Variants in PCDH15 observed in about 807,000 individuals in gnomAD.
PCDH15 encodes the protein protocadherin related 15.
In PCDH15, 129 loss-of-function variants were observed where a neutral mutation model predicts 178.5. The ratio of observed to expected loss-of-function variants is 0.72; its 90% CI spans 0.63 to 0.84. PCDH15 has a LOEUF of 0.84. PCDH15 is among the 40% of genes least tolerant of loss of function. PCDH15 has a pLI of 0.00. For synonymous variants in PCDH15, 800 were observed against 732.0 expected (o/e 1.09, Z -1.50); for missense variants, 2,230 against 2,099.9 (o/e 1.06, Z -1.21).
chr10:54,626,287 T>A (rs1321085095), intron 2 of PCDH15, among the ~76,000 whole-genome samples: 2 of 152,126 alleles, frequency 1.3e-5, no homozygotes, highest in African/African-American at 4.8e-5. Flanking sequence ...TTTGCAGTAG[T>A]AACAAGGAAC....
chr10:54,145,661 TCA>T (rs1218818308), intron 14 of PCDH15, among the ~76,000 whole-genome samples: 1 of 152,020 alleles, frequency 6.6e-6, no homozygotes, highest in Non-Finnish European at 1.5e-5. Flanking sequence ...AGAGGAAAAC[TCA>T]CATGTCAATT....
At chr10:54,225,202 A>C (rs1329892076) in intron 9 of PCDH15, among the ~76,000 whole-genome samples, 1 of 152,148 alleles carries the variant, frequency 6.6e-6, no homozygotes, top group Admixed American at 6.5e-5. Context: ...AGCTCTGAAA[A>C]GGGAGGTCAA....
chr10:54,196,438 A>G (rs564968367), intron 10 of PCDH15, among the ~76,000 whole-genome samples: 35 of 152,322 alleles, frequency 2.3e-4, no homozygotes, highest in African/African-American at 6.7e-4. Context: ...CACCGCGCCC[A>G]GCCAAATTAT....
chr10:54,674,166 G>A (rs902447236), intron 1 of PCDH15, among the ~76,000 whole-genome samples: 3 of 152,078 alleles, frequency 2.0e-5, no homozygotes, highest in African/African-American at 2.4e-5. Context: ...TTTTAGGTAA[G>A]GTCTTCGGCC....
intron 2 of PCDH15, among the ~76,000 whole-genome samples, chr10:55,378,502 CA>C (rs1204752381): frequency 6.6e-6 from 1 of 152,032 alleles, no homozygotes; most frequent in African/African-American, 2.4e-5. Flanking sequence ...ATTCACTTAG[CA>C]AAAAGTACTG....
Position 55,542,706 on chromosome 10 carries a change from T to C in PCDH15, c.-156+84919A>G, listed in dbSNP as rs573311000. On this transcript the variant is annotated intron_variant, in intron 2 of 5. Coordinates refer to the PCDH15 transcript ENST00000613346. ...GTCTATATAGGTACATACAGACATATGTTTGTGTCTATATAGGTACATACA... is the reference window on the plus strand; with the variant it reads ...GTCTATATAGGTACATACAGACATACGTTTGTGTCTATATAGGTACATACA... Among the ~76,000 whole-genome samples, 16 of 37,242 alleles carry C rather than the reference T, an allele frequency of 4.3e-4. 1 individual carries two copies. The highest frequency in any genetic ancestry group is 1.8e-3 in the African/African-American group (16 of 8,754). The allele number at this position is 37,242 out of a possible 152,430, so 24.4% of individuals were successfully genotyped here.
chr10:53,984,719 C>T (rs543681147), intron 21 of PCDH15, among the ~76,000 whole-genome samples: 1 of 152,112 alleles, frequency 6.6e-6, no homozygotes, highest in Non-Finnish European at 1.5e-5. Flanking sequence ...TCATTTCTTT[C>T]TCTTCTTTTA....
In PCDH15 at chr10:54,782,967, T is replaced by C. The variant is rs913239075; in HGVS notation, c.-29+17958A>G. On this transcript the variant is annotated intron_variant, in intron 1 of 37. Transcript: ENST00000644397. The stretch of plus-strand genomic sequence containing the variant: ...TACCAAACCAACACTCTAGGACACA[T>C]CTACAGGAAAAAAAGTCTTTTCCTA... Among the ~76,000 whole-genome samples the C allele has an allele frequency of 2.6e-5, 4 of 151,974 alleles. No homozygotes were observed. In the South Asian group the frequency reaches 6.2e-4, roughly 24 times the overall value.
intron 1 of PCDH15, among the ~76,000 whole-genome samples, chr10:54,780,526 T>C (rs938544714): frequency 6.6e-6 from 1 of 152,072 alleles, no homozygotes; most frequent in South Asian, 2.1e-4. Flanking sequence ...CTAAAATCTA[T>C]GTAATTTTCT....
chr10:55,057,298 C>T (rs1291656976), intron 2 of PCDH15, among the ~76,000 whole-genome samples: 1 of 151,998 alleles, frequency 6.6e-6, no homozygotes, highest in Non-Finnish European at 1.5e-5. Flanking sequence ...GTATTCCATG[C>T]AATTGTTAAG....
intron 2 of PCDH15, among the ~76,000 whole-genome samples, chr10:54,607,523 C>T (rs2092794798): frequency 6.6e-6 from 1 of 151,992 alleles, no homozygotes. Context: ...CTCTCAATTC[C>T]TGGCATATGT....
Position 54,733,890 on chromosome 10 carries a change from T to TA in PCDH15, c.-29+67034dup, listed in dbSNP as rs576151348. Among the ~76,000 whole-genome samples, 29 of 150,728 alleles carry TA rather than the reference T, an allele frequency of 1.9e-4. 1 individual carries two copies. The East Asian group carries it at 3.3e-3, about 17-fold the overall frequency. On this transcript the variant is annotated intron_variant, in intron 1 of 37. Transcript: ENST00000644397. ...GCCAGAAAAATTAGACCTCCAAACG[T>TA]AAAAACAAAAATGGACCTTCACCTG...
At chr10:55,325,592 A>C (rs1844010397) in intron 2 of PCDH15, among the ~76,000 whole-genome samples, 1 of 152,142 alleles carries the variant, frequency 6.6e-6, no homozygotes, top group Non-Finnish European at 1.5e-5. Flanking sequence ...AGACTTAAAT[A>C]TAAACCTAAA....
chr10:55,044,887 A>G (rs978107427), intron 2 of PCDH15, among the ~76,000 whole-genome samples: 2 of 152,138 alleles, frequency 1.3e-5, no homozygotes, highest in African/African-American at 4.8e-5. Flanking sequence ...CTCCAGTGAT[A>G]ACATTAGATA....
At chr10:55,006,692 GCTTAAGGTCTTTGGAGCTCA>G (rs1839935515) in intron 2 of PCDH15, among the ~76,000 whole-genome samples, 1 of 152,170 alleles carries the variant, frequency 6.6e-6, no homozygotes, top group South Asian at 2.1e-4. Flanking sequence ...GGGCAGAGCT[GCTTAAGGTCTTTGGAGCTCA>G]CCCTTATACC....
intron 8 of PCDH15, among the ~76,000 whole-genome samples, chr10:54,278,412 T>C (rs2058471024): frequency 6.6e-6 from 1 of 151,592 alleles, no homozygotes; most frequent in African/African-American, 2.4e-5. Flanking sequence ...TAATAACATA[T>C]TTTTAAAATT....
intron 13 of PCDH15, among the ~76,000 whole-genome samples, chr10:54,155,825 C>T (rs961422871): frequency 6.0e-5 from 9 of 149,998 alleles, no homozygotes; most frequent in Non-Finnish European, 1.0e-4. Context: ...AAAACCTCAA[C>T]GACATTACAC....
chr10:54,797,815 G>A lies in PCDH15; in HGVS notation c.-29+3110C>T, dbSNP rs1439608010. ...GTGTATGTGTGGGCAGGGGGGGAGC[G>A]GGGTGTGTCCATCTTACTCAGCGTG... On this transcript the variant is annotated intron_variant, in intron 1 of 37. Transcript: ENST00000644397. Among the ~76,000 whole-genome samples the A allele has an allele frequency of 2.0e-5, 3 of 151,796 alleles. 1 individual carries two copies. Among genetic ancestry groups the A allele is most frequent in the Middle Eastern group, 6.3e-3 (2 of 316 alleles).
intron 2 of PCDH15, among the ~76,000 whole-genome samples, chr10:54,988,699 T>C (rs1321437721): frequency 6.6e-6 from 1 of 152,160 alleles, no homozygotes; most frequent in Non-Finnish European, 1.5e-5. Flanking sequence ...AAGATGTGAC[T>C]TGGGTGCTGT....
Sources: allele counts gnomAD v4.1 joint callset (sites outside exome capture counted in the v4.1 genomes callset), GRCh38; gene constraint gnomAD v4.1.1; transcripts MANE v1.5; gene names NCBI Gene and HGNC (gene_info 2026-07-23, HGNC 2026-07-21).